SV2B: variants seen among roughly 807,000 people sequenced by gnomAD.
The protein encoded by SV2B is synaptic vesicle glycoprotein 2B, also known as solute carrier family 22 member B2.
A neutral mutation model predicts 73.9 loss-of-function variants in SV2B; 41 were observed. The observed-to-expected ratio is 0.56, with a 90% CI of 0.43 to 0.72. The LOEUF (loss-of-function observed/expected upper bound fraction) is 0.72. Ranked by LOEUF, SV2B falls within the 30% of genes least tolerant of loss-of-function variation. SV2B has a pLI of 0.00. For missense variants in SV2B, 764 were observed against 857.8 expected (o/e 0.89, Z 1.37); for synonymous variants, 314 against 314.2 (o/e 1.00, Z 0.01).
intron 1 of SV2B, among the ~76,000 whole-genome samples, chr15:91,222,679 T>C (rs967496048): frequency 6.6e-5 from 10 of 152,230 alleles, no homozygotes; most frequent in Admixed American, 1.3e-4. Flanking sequence ...ATCCCTAACA[T>C]TCTGTTTGAA....
intron 1 of SV2B, among the ~76,000 whole-genome samples, chr15:91,219,336 C>T (rs1280975066): frequency 2.0e-5 from 3 of 152,126 alleles, no homozygotes; most frequent in East Asian, 1.9e-4. Flanking sequence ...AGTAATCCAC[C>T]GGGCTTATGA....
chr15:91,273,126 C>A (rs1225450737), intron 9 of SV2B, among the ~76,000 whole-genome samples: 1 of 152,072 alleles, frequency 6.6e-6, no homozygotes, highest in East Asian at 1.9e-4. Flanking sequence ...AGCCACCACG[C>A]CTGGCTCTAA....
At chr15:91,163,070 G>A (rs1016684418) in intron 1 of SV2B, among the ~76,000 whole-genome samples, 2 of 152,070 alleles carry the variant, frequency 1.3e-5, no homozygotes, top group African/African-American at 2.4e-5. Context: ...AGCTTCATCC[G>A]TGTCCCTACA....
At chr15:91,203,901 T>G (rs1455061293) in intron 1 of SV2B, among the ~76,000 whole-genome samples, 1 of 152,190 alleles carries the variant, frequency 6.6e-6, no homozygotes, top group Non-Finnish European at 1.5e-5. Context: ...TTAAAGTGCT[T>G]TCAGAAGACC....
chr15:91,262,362 C>G (rs776002607), intron 6 of SV2B, among the ~76,000 whole-genome samples: 7 of 152,166 alleles, frequency 4.6e-5, no homozygotes, highest in Non-Finnish European at 8.8e-5. Flanking sequence ...TAAATTAACT[C>G]AAGTTATAAA....
At chr15:91,278,292 T>C in intron 9 of SV2B, among the ~76,000 whole-genome samples, 1 of 151,674 alleles carries the variant, frequency 6.6e-6, no homozygotes, top group East Asian at 1.9e-4. Context: ...GAGAAGAAAA[T>C]TGTTTGAGGG....
Position 91,265,387 on chromosome 15 carries a change from C to G in SV2B, c.1009-1195C>G, listed in dbSNP as rs929989745. Among the ~76,000 whole-genome samples, 3 of 152,212 alleles carry G rather than the reference C, an allele frequency of 2.0e-5. No homozygotes were observed. Among genetic ancestry groups the G allele is most frequent in the Non-Finnish European group, 4.4e-5 (3 of 68,046 alleles). On this transcript the variant is annotated intron_variant, in intron 6 of 12. Coordinates refer to ENST00000394232, the MANE Select transcript of SV2B (RefSeq NM_001323032.3). This position sits in a 1 kb window ranked among gnomAD's most constrained non-coding sequence, Gnocchi z 4.2. ...TTAGACTGAATCATAGACAATTGTT[C>G]TAATGAATCGTAAATTAGAGTGAGT...
intron 1 of SV2B, among the ~76,000 whole-genome samples, chr15:91,208,524 G>A (rs1319788108): frequency 6.6e-6 from 1 of 152,182 alleles, no homozygotes; most frequent in African/African-American, 2.4e-5. Context: ...ACAGCAGCAG[G>A]CAGCTCTGGG....
chr15:91,151,470 T>C, intron 1 of SV2B, among the ~76,000 whole-genome samples: 1 of 152,230 alleles, frequency 6.6e-6, no homozygotes, highest in East Asian at 1.9e-4. Context: ...TAAGGACCAA[T>C]CTACAGCCCA....
In SV2B at chr15:91,183,966, C is replaced by CAAA. The variant is rs3082124; in HGVS notation, c.-391-41901_-391-41899dup. Among the ~76,000 whole-genome samples, 545 of 151,300 alleles carry CAAA rather than the reference C, an allele frequency of 3.6e-3. 5 individuals carry two copies. Among genetic ancestry groups the CAAA allele is most frequent in the African/African-American group, 0.012 (476 of 41,288 alleles). On this transcript the variant is annotated intron_variant, in intron 1 of 12. Transcript: ENST00000394232. ...GACACCCCAAATAATCGCCTGGGGA[C>CAAA]AAAAAAAACTGCAGTATCATCAGGA...
At chr15:91,125,091 G>C (rs2042437968) in intron 1 of SV2B, among the ~76,000 whole-genome samples, 1 of 152,102 alleles carries the variant, frequency 6.6e-6, no homozygotes. Context: ...CCTTCCCTTG[G>C]TGCAAGCACC....
intron 1 of SV2B, among the ~76,000 whole-genome samples, chr15:91,152,251 T>C (rs1459559595): frequency 1.3e-5 from 2 of 152,176 alleles, no homozygotes; most frequent in African/African-American, 4.8e-5. Flanking sequence ...TTCCAGAACT[T>C]GTGAATAGAT....
intron 1 of SV2B, chr15:91,102,107 C>T (rs191377674): frequency 6.6e-6 from 1 of 152,194 alleles, no homozygotes; most frequent in Admixed American, 6.5e-5. Flanking sequence ...AAAGCTGTTA[C>T]TACCAGTCTT....
rs2042158960 is a variant in SV2B, at chr15:91,115,665, C to G, written c.-392+15302C>G. Among the ~76,000 whole-genome samples, 2 of 152,150 alleles carry G rather than the reference C, an allele frequency of 1.3e-5. No individual in the cohort carries two copies. Among genetic ancestry groups the G allele is most frequent in the African/African-American group, 4.8e-5 (2 of 41,424 alleles). ...GTGCTGGGATTACAGGTGTGAGCCACTGCGCCTGGCCTTCCTTATTTTTTT... is the reference window on the plus strand; with the variant it reads ...GTGCTGGGATTACAGGTGTGAGCCAGTGCGCCTGGCCTTCCTTATTTTTTT... On this transcript the variant is annotated intron_variant, in intron 1 of 12. Transcript: ENST00000394232. The surrounding 1 kb of genome is among the most constrained non-coding windows in gnomAD (Gnocchi z 4.3).
At chr15:91,099,852 T>C (rs1302431331), upstream of SV2B, 1 of 152,244 alleles carries the variant, frequency 6.6e-6, no homozygotes, top group East Asian at 1.9e-4. Context: ...TGGAAGGGCA[T>C]GTGGAGTCCA....
rs2141511172 is a variant in SV2B, at chr15:91,231,068, A to G, written c.451+4354A>G. 6.6e-6 allele frequency among the ~76,000 whole-genome samples: 1 copy of G among 152,286 alleles called. No individual in the cohort carries two copies. Among genetic ancestry groups the G allele is most frequent in the South Asian group, 2.1e-4 (1 of 4,822 alleles). On this transcript the variant is annotated intron_variant, in intron 2 of 12. Coordinates refer to ENST00000394232, the MANE Select transcript of SV2B (RefSeq NM_001323032.3). The surrounding 1 kb of genome is among the most constrained non-coding windows in gnomAD (Gnocchi z 4.5). The stretch of plus-strand genomic sequence containing the variant: ...TTTTTGGTGGTTGATGAGTGAATCC[A>G]CATGTATTTTAACCTTTCATGGGAT...
chr15:91,147,085 G>T (rs1469115668), intron 1 of SV2B, among the ~76,000 whole-genome samples: 1 of 152,174 alleles, frequency 6.6e-6, no homozygotes, highest in Non-Finnish European at 1.5e-5. Context: ...TGTCTCCAGT[G>T]CCTAGTAACA....
At chr15:91,206,901 C>T (rs559010413) in intron 1 of SV2B, among the ~76,000 whole-genome samples, 17 of 152,168 alleles carry the variant, frequency 1.1e-4, no homozygotes, top group African/African-American at 3.1e-4. Context: ...GACACATCAT[C>T]CCAAATAGAA....
At chr15:91,206,285 A>C (rs531677372) in intron 1 of SV2B, among the ~76,000 whole-genome samples, 1 of 137,682 alleles carries the variant, frequency 7.3e-6, no homozygotes, top group African/African-American at 2.8e-5. Context: ...CAAGTGATCC[A>C]CCTGCCTTGG....
Sources: allele counts gnomAD v4.1 joint callset (sites outside exome capture counted in the v4.1 genomes callset), GRCh38; gene constraint gnomAD v4.1.1; non-coding constraint Gnocchi (gnomAD v3.1); transcripts MANE v1.5; gene names NCBI Gene and HGNC (gene_info 2026-07-23, HGNC 2026-07-21).